The following CSNK2A2 variants were observed in gnomAD, a reference collection of about 807,000 sequenced individuals.
CSNK2A2 encodes casein kinase II subunit alpha'.
Under a neutral mutation model 54.0 loss-of-function variants are expected in CSNK2A2, and 8 were observed. That is an observed-to-expected ratio of 0.15 (90% CI 0.09 to 0.27). The LOEUF is 0.27. CSNK2A2 is among the 10% of genes least tolerant of loss of function. The probability of loss-of-function intolerance (pLI) is 1.00; values close to 1 mark genes in which losing one functional copy is unlikely to be tolerated. For missense variants in CSNK2A2, 242 were observed against 439.4 expected, an observed-to-expected ratio of 0.55 and a Z score of 4.02; for synonymous variants, 141 against 153.9, an observed-to-expected ratio of 0.92 and a Z score of 0.62.
chr16:58,187,810 C>T (rs1400442066), intron 2 of CSNK2A2, among the ~76,000 whole-genome samples: 1 of 152,212 alleles, frequency 6.6e-6, no homozygotes, highest in Non-Finnish European at 1.5e-5. Context: ...GATCACAGAG[C>T]CCATGGCAGA....
rs1450882100 is a variant in CSNK2A2 at position 58,171,988 on chromosome 16, T to C, written c.429+2463A>G. 2.7e-5 allele frequency among the ~76,000 whole-genome samples: 3 copies of C among 111,374 alleles called. No homozygotes were observed. The Admixed American group carries it at 2.8e-4, about 10-fold the overall frequency. The allele number at this position is 111,374 out of a possible 152,430, so 73.1% of individuals were successfully genotyped here. On this transcript the variant is annotated intron_variant, in intron 5 of 11. Transcript: ENST00000262506. ...ATATATATATATATATATTTTTTTTTTTTTTTTTTTTTTGGTAGCTATGGG... is the reference window on the plus strand; with the variant it reads ...ATATATATATATATATATTTTTTTTCTTTTTTTTTTTTTGGTAGCTATGGG...
At chr16:58,168,476 G>A (rs1175562303) in intron 6 of CSNK2A2, 134 bp downstream of exon 6, 1 of 626,236 alleles carries the variant, frequency 1.6e-6, no homozygotes, top group African/African-American at 1.8e-5. Context: ...CAATGGAGAT[G>A]GGAGAAATCA....
At chr16:58,177,448 G>GTTTTAC (rs1961912416) in intron 4 of CSNK2A2, among the ~76,000 whole-genome samples, 1 of 152,152 alleles carries the variant, frequency 6.6e-6, no homozygotes, top group African/African-American at 2.4e-5. Flanking sequence ...AAAGTCTGAG[G>GTTTTAC]AGGGCCTCCA....
intron 4 of CSNK2A2, among the ~76,000 whole-genome samples, chr16:58,181,143 C>T (rs867660145): frequency 5.9e-5 from 9 of 152,034 alleles, no homozygotes; most frequent in African/African-American, 2.2e-4. Context: ...CTAAAATAAC[C>T]GTAAAAGGAG....
chr16:58,180,373 T>G (rs1435803005), intron 4 of CSNK2A2, among the ~76,000 whole-genome samples: 3 of 72,026 alleles, frequency 4.2e-5, no homozygotes, highest in Admixed American at 3.2e-4. Flanking sequence ...ACTCCAGAGT[T>G]TTTTTTTTTT....
At chr16:58,195,795 A>C (rs1431009683) in intron 2 of CSNK2A2, among the ~76,000 whole-genome samples, 3 of 152,326 alleles carry the variant, frequency 2.0e-5, no homozygotes, top group Non-Finnish European at 4.4e-5. Context: ...TCATTGCTAA[A>C]CCATATATTA....
chr16:58,183,160 G>C (rs1962101849), intron 4 of CSNK2A2, among the ~76,000 whole-genome samples: 1 of 151,600 alleles, frequency 6.6e-6, no homozygotes, highest in African/African-American at 2.4e-5. Flanking sequence ...AGGAGTTTGA[G>C]ACTAGCCTGG....
chr16:58,167,837 T>TAGA (rs1961610267), intron 6 of CSNK2A2, 42 bp from the exon 7 acceptor site: 1 of 1,480,784 alleles, frequency 6.8e-7, no homozygotes, highest in Admixed American at 1.7e-5. Flanking sequence ...GGAGTGTTTC[T>TAGA]AGACGCCTAT....
At position 58,183,657 on chromosome 16, in the gene CSNK2A2, A is replaced by AT. The variant is rs540318100; in HGVS notation, c.369+602dup. ...AGTATGCCTAACCCCAAAAACCTTG[A>AT]TATTAAGGTTTTAATGTTTGAACAA... On this transcript the variant is annotated intron_variant, in intron 4 of 11. Coordinates refer to ENST00000262506, the MANE Select transcript of CSNK2A2 (RefSeq NM_001896.4). Among the ~76,000 whole-genome samples the AT allele has an allele frequency of 2.8e-4, 42 of 152,154 alleles. 1 individual carries two copies. The East Asian group carries it at 7.1e-3, about 26-fold the overall frequency.
intron 2 of CSNK2A2, among the ~76,000 whole-genome samples, chr16:58,191,826 T>C (rs1962328505): frequency 1.3e-5 from 2 of 152,200 alleles, no homozygotes; most frequent in South Asian, 4.1e-4. Context: ...TATACTTTAT[T>C]GATCTCTCAG....
chr16:58,174,736 A>G (rs532072921), intron 4 of CSNK2A2, among the ~76,000 whole-genome samples: 1 of 152,340 alleles, frequency 6.6e-6, no homozygotes, highest in East Asian at 1.9e-4. Flanking sequence ...AAGGGAGAAA[A>G]ACATTTAAGC....
chr16:58,174,270 G>T (rs1451868951), intron 5 of CSNK2A2, 181 bp downstream of exon 5: 2 of 518,270 alleles, frequency 3.9e-6, no homozygotes, highest in Non-Finnish European at 6.7e-6. Flanking sequence ...TTTTTTCCCA[G>T]TTCCACTGGA....
Position 58,184,240 on chromosome 16 carries a change from A to G in CSNK2A2, c.369+20T>C. 1 of 1,592,894 alleles carries G rather than the reference A, an allele frequency of 6.3e-7. No individual in the cohort carries two copies. Among genetic ancestry groups the G allele is most frequent in the Non-Finnish European group, 8.6e-7 (1 of 1,164,736 alleles). Reference sequence around the variant, plus strand: ...CCCCTCACCCCGTTAACCCCATGCCAGAAAGAAAAGCATACGCACCTTAAA... The same window carrying G: ...CCCCTCACCCCGTTAACCCCATGCCGGAAAGAAAAGCATACGCACCTTAAA... On this transcript the variant is annotated intron_variant, in intron 4 of 11. Coordinates refer to ENST00000262506, the MANE Select transcript of CSNK2A2 (RefSeq NM_001896.4).
chr16:58,196,873 C>T (rs770875749), intron 1 of CSNK2A2, 29 bp from the exon 2 acceptor site: 1 of 1,437,596 alleles, frequency 7.0e-7, no homozygotes. Context: ...CACATAAATG[C>T]CAGGACTGGG....
chr16:58,169,517 C>T (rs181034090), intron 5 of CSNK2A2, among the ~76,000 whole-genome samples: 24 of 150,468 alleles, frequency 1.6e-4, no homozygotes, highest in Admixed American at 2.0e-4. Flanking sequence ...GCAAGAAAGG[C>T]GGGCAGTGGG....
Position 58,181,790 on chromosome 16 carries a change from G to A in CSNK2A2, c.369+2470C>T, listed in dbSNP as rs576341524. Among the ~76,000 whole-genome samples the A allele has an allele frequency of 1.2e-3, 178 of 152,186 alleles. 1 individual carries two copies. The highest frequency in any genetic ancestry group is 4.1e-3 in the African/African-American group (172 of 41,530). ...ATTTTTCCAAAACACAGGGGAAAAA[G>A]CCCAGCAAGTATGCAGAACAAAAGA... On this transcript the variant is annotated intron_variant, in intron 4 of 11. Coordinates refer to ENST00000262506, the MANE Select transcript of CSNK2A2 (RefSeq NM_001896.4).
chr16:58,193,651 A>G (rs2142452851), intron 2 of CSNK2A2, among the ~76,000 whole-genome samples: 1 of 152,372 alleles, frequency 6.6e-6, no homozygotes, highest in South Asian at 2.1e-4. Flanking sequence ...TAAAATGCTA[A>G]AAGTTGTCAA....
chr16:58,160,354 TCA>T (rs1961303798), intron 11 of CSNK2A2: 1 of 152,224 alleles, frequency 6.6e-6, no homozygotes, highest in South Asian at 2.1e-4. Context: ...CTGTGGGTGC[TCA>T]CACAGTAACA....
At chr16:58,167,845 T>C in intron 6 of CSNK2A2, 50 bp from the exon 7 acceptor site, 1 of 1,435,526 alleles carries the variant, frequency 7.0e-7, no homozygotes, top group Non-Finnish European at 9.8e-7. Flanking sequence ...TCTAGACGCC[T>C]ATGCCTTAGA....
Sources: gnomAD v4.1 joint callset for allele counts (sites outside exome capture counted in the v4.1 genomes callset) on GRCh38, gnomAD v4.1.1 for gene constraint, MANE v1.5 for transcripts, NCBI Gene and HGNC (gene_info 2026-07-23, HGNC 2026-07-21) for gene names.